Variants in SRP9 observed in about 807,000 individuals in gnomAD.
SRP9 encodes signal recognition particle 9 kDa protein.
In SRP9, 2 loss-of-function variants were observed where a neutral mutation model predicts 11.7. The observed-to-expected ratio is 0.17, with a 90% CI of 0.07 to 0.54. The LOEUF is 0.54. SRP9 is among the 20% of genes least tolerant of loss of function. SRP9 has a pLI of 0.94. For synonymous variants in SRP9, 27 were observed against 35.6 expected (o/e 0.76, Z 0.86); for missense variants, 54 against 108.1 (o/e 0.50, Z 2.22).
chr1:225,779,793 GT>G (rs1665758661), intron 1 of SRP9, among the ~76,000 whole-genome samples: 1 of 152,146 alleles, frequency 6.6e-6, no homozygotes, highest in Non-Finnish European at 1.5e-5. Context: ...TGTTGGCAGG[GT>G]CATTTGTTTC....
chr1:225,778,618 T>C (rs1016196631), intron 1 of SRP9, among the ~76,000 whole-genome samples: 1 of 152,236 alleles, frequency 6.6e-6, no homozygotes, highest in African/African-American at 2.4e-5. Flanking sequence ...ACCTCTGAAA[T>C]ACATTCTTAG....
At chr1:225,785,101 C>G (rs1472045950) in intron 2 of SRP9, among the ~76,000 whole-genome samples, 2 of 151,914 alleles carry the variant, frequency 1.3e-5, no homozygotes, top group African/African-American at 2.4e-5. Context: ...TAGACGGAGT[C>G]TCGCTCTGTT....
chr1:225,786,623 C>G (rs981126447), intron 2 of SRP9, among the ~76,000 whole-genome samples: 4 of 152,134 alleles, frequency 2.6e-5, no homozygotes, highest in African/African-American at 9.7e-5. Context: ...ATGTAGTATA[C>G]TAGACATAGA....
intron 1 of SRP9, among the ~76,000 whole-genome samples, chr1:225,781,780 C>T (rs1205442803): frequency 6.6e-6 from 1 of 152,122 alleles, no homozygotes; most frequent in Non-Finnish European, 1.5e-5. Flanking sequence ...ACATAGTTGT[C>T]ATGCTTAGTA....
chr1:225,781,485 C>T (rs1238590573), intron 1 of SRP9, among the ~76,000 whole-genome samples: 4 of 147,924 alleles, frequency 2.7e-5, no homozygotes, highest in African/African-American at 7.4e-5. Flanking sequence ...CTGCAACCTC[C>T]GCCTCCCGAG....
At chr1:225,784,998 A>ACT (rs1457692107) in intron 2 of SRP9, among the ~76,000 whole-genome samples, 1 of 151,020 alleles carries the variant, frequency 6.6e-6, no homozygotes, top group African/African-American at 2.4e-5. Flanking sequence ...CTGGTCTTGA[A>ACT]CTCCTGGCTT....
At chr1:225,780,231 CA>C (rs1179867609) in intron 1 of SRP9, among the ~76,000 whole-genome samples, 1 of 146,304 alleles carries the variant, frequency 6.8e-6, no homozygotes, top group Non-Finnish European at 1.5e-5. Context: ...CTTTGTTGCC[CA>C]GGTTGGTCTT....
intron 1 of SRP9, 42 bp from the exon 2 acceptor site, chr1:225,783,258 T>G (rs1241105440): frequency 6.8e-7 from 1 of 1,468,506 alleles, no homozygotes; most frequent in South Asian, 1.2e-5. Flanking sequence ...ATAAGAAATG[T>G]CATTTGTCTT....
rs1575949642 is a variant in SRP9 at position 225,777,868 on chromosome 1, T to G, written c.-73T>G. On this transcript the variant is annotated 5_prime_UTR_variant, in exon 1 of 3. Transcript: ENST00000304786. ...GCTGGGACTCGCGTCGGTTGGCGAC[T>G]CCCGGACGTAGGTAGTTTGTTGGGC... 1 of 1,447,480 alleles carries G rather than the reference T, an allele frequency of 6.9e-7. No individual in the cohort carries two copies. The highest frequency in any genetic ancestry group is 1.2e-5 in the South Asian group (1 of 84,622). The allele number at this position is 1,447,480 out of a possible 1,614,324, so 89.7% of individuals were successfully genotyped here.
At chr1:225,783,220 TTCAGCCTACCTGAAGACTA>T (rs1665834132) in intron 1 of SRP9, 61 bp from the exon 2 acceptor site, 2 of 1,126,390 alleles carry the variant, frequency 1.8e-6, no homozygotes, top group Admixed American at 3.9e-5. Context: ...AAGGATCCTT[TTCAGCCTACCTGAAGACTA>T]AATTATTTAT....
intron 1 of SRP9, among the ~76,000 whole-genome samples, chr1:225,782,520 G>T (rs1665821180): frequency 6.6e-6 from 1 of 152,036 alleles, no homozygotes; most frequent in Non-Finnish European, 1.5e-5. Context: ...TACTGGTTAG[G>T]GAAAAACTGC....
At chr1:225,786,633 A>G (rs1183525281) in intron 2 of SRP9, among the ~76,000 whole-genome samples, 1 of 152,220 alleles carries the variant, frequency 6.6e-6, no homozygotes, top group Non-Finnish European at 1.5e-5. Context: ...CTAGACATAG[A>G]TTGAAGAGAT....
At chr1:225,787,348 C>T (rs1432179913) in intron 2 of SRP9, among the ~76,000 whole-genome samples, 6 of 152,176 alleles carry the variant, frequency 3.9e-5, no homozygotes, top group African/African-American at 1.2e-4. Context: ...GCCTGACCAA[C>T]ACAGTGAAAC....
intron 1 of SRP9, among the ~76,000 whole-genome samples, chr1:225,781,714 C>G (rs1665804627): frequency 6.6e-6 from 1 of 152,154 alleles, no homozygotes; most frequent in Admixed American, 6.5e-5. Context: ...CCTTTTAACT[C>G]TCATTTCTCC....
intron 1 of SRP9, among the ~76,000 whole-genome samples, chr1:225,781,112 TCTG>T (rs1330344170): frequency 6.6e-6 from 1 of 152,212 alleles, no homozygotes; most frequent in African/African-American, 2.4e-5. Context: ...TAGCCTTTCT[TCTG>T]CCTTCTTCTA....
intron 1 of SRP9, among the ~76,000 whole-genome samples, chr1:225,781,949 A>C (rs1332476262): frequency 6.6e-6 from 1 of 151,640 alleles, no homozygotes; most frequent in Non-Finnish European, 1.5e-5. Flanking sequence ...TTCCTCCTTC[A>C]CTCAGACAAA....
At chr1:225,780,563 A>C (rs1203748063) in intron 1 of SRP9, among the ~76,000 whole-genome samples, 2 of 152,234 alleles carry the variant, frequency 1.3e-5, no homozygotes, top group African/African-American at 4.8e-5. Context: ...ATATATGAAC[A>C]ATTACAGCAA....
Position 225,783,343 on chromosome 1 carries a change from G to T in SRP9, c.116G>T (p.Cys39Phe), listed in dbSNP as rs1184056117. ...TATAGGCATTCTGATGGGAACTTGT[G>T]TGTTAAAGTAACAGATGATTTAGTT... ...LKYRHSDGNLCVKVTDDLVCL... is the reference protein window; with the variant it reads ...LKYRHSDGNLFVKVTDDLVCL... The change falls in exon 2 of 3, where the codon TGT becomes TTT. Residue 39 changes from cysteine to phenylalanine, a missense_variant. Transcript: ENST00000304786. 1.9e-6 allele frequency: 3 copies of T among 1,612,342 alleles called. No individual in the cohort carries two copies. The highest frequency in any genetic ancestry group is 2.5e-6 in the Non-Finnish European group (3 of 1,179,080).
chr1:225,788,410 C>G (rs1218643072), intron 2 of SRP9, among the ~76,000 whole-genome samples: 1 of 144,204 alleles, frequency 6.9e-6, no homozygotes, highest in East Asian at 2.2e-4. Flanking sequence ...TTCAGCAAAT[C>G]AAGATTTTTT....
Sources: gnomAD v4.1 joint callset for allele counts (sites outside exome capture counted in the v4.1 genomes callset) on GRCh38, gnomAD v4.1.1 for gene constraint, MANE v1.5 for transcripts, NCBI Gene and HGNC (gene_info 2026-07-23, HGNC 2026-07-21) for gene names.